Variants in AOX1 observed in about 807,000 individuals in gnomAD.
AOX1 encodes aldehyde oxidase 1.
A neutral mutation model predicts 169.5 loss-of-function variants in AOX1; 153 were observed. The observed-to-expected ratio is 0.90, with a 90% CI of 0.79 to 1.03. The LOEUF is 1.03. Ranked by LOEUF, AOX1 falls within the 50% of genes least tolerant of loss-of-function variation. AOX1 has a pLI of 0.00. For missense variants in AOX1, 1,656 were observed against 1,663.9 expected (o/e 1.00, Z 0.08); for synonymous variants, 562 against 581.9 (o/e 0.97, Z 0.49).
chr2:200,657,190 A>AT (rs5837752), intron 27 of AOX1, among the ~76,000 whole-genome samples: 1,826 of 62,856 alleles, frequency 0.029, 70 homozygotes, highest in Non-Finnish European at 0.035. Context: ...ATATATATAT[A>AT]TTTTTTTTTT....
intron 11 of AOX1, 78 bp downstream of exon 11, chr2:200,609,213 T>C: frequency 6.3e-7 from 1 of 1,597,320 alleles, no homozygotes; most frequent in Non-Finnish European, 8.6e-7. Context: ...ATTTTCATTC[T>C]TTTGGAACAG....
rs767084533 is a variant in AOX1 at position 200,651,207 on chromosome 2, T to C, written c.3075+6T>C. On this transcript the variant is annotated splice_donor_region_variant and intron_variant, in intron 26 of 34. Transcript: ENST00000374700. ...GCTCACGTGCTGCTGGTCAGGTGAG[T>C]TCTCCAAATGCACATGAGGATGCTG... is the stretch of plus-strand genomic sequence containing the variant. 50 of 1,613,102 alleles carry C rather than the reference T, an allele frequency of 3.1e-5. No homozygotes were observed. The highest frequency in any genetic ancestry group is 2.3e-5 in the Non-Finnish European group (27 of 1,179,206).
chr2:200,602,381 C>A, intron 6 of AOX1, 36 bp downstream of exon 6: 1 of 1,590,698 alleles, frequency 6.3e-7, no homozygotes, highest in Non-Finnish European at 8.6e-7. Context: ...AGTATGTTTT[C>A]CCCAGTGAAA....
At chr2:200,658,558 G>T (rs1230716140) in intron 27 of AOX1, among the ~76,000 whole-genome samples, 1 of 152,240 alleles carries the variant, frequency 6.6e-6, no homozygotes, top group African/African-American at 2.4e-5. Flanking sequence ...CATGCTGCTA[G>T]CAGGAGAGAG....
chr2:200,675,368 T>C (rs2036081234), downstream of AOX1, among the ~76,000 whole-genome samples: 4 of 152,208 alleles, frequency 2.6e-5, no homozygotes, highest in Middle Eastern at 3.2e-3. Flanking sequence ...ACTAATTGTC[T>C]AGCAAGATGG....
intron 10 of AOX1, among the ~76,000 whole-genome samples, chr2:200,608,321 G>A (rs1237543393): frequency 2.0e-5 from 3 of 152,132 alleles, no homozygotes; most frequent in Non-Finnish European, 4.4e-5. Flanking sequence ...TGAAGGATAC[G>A]GTGCTAAGTG....
chr2:200,620,396 A>G lies in AOX1; in HGVS notation c.1705-254A>G, dbSNP rs2034861145. Among the ~76,000 whole-genome samples, 2 of 151,078 alleles carry G rather than the reference A, an allele frequency of 1.3e-5. 1 individual carries two copies. The highest frequency in any genetic ancestry group is 3.0e-5 in the Non-Finnish European group (2 of 67,746). ...TTTGTTTTGTTTTTTTTTAGTAGAG[A>G]CGGGGTTTTACTATGTTGGCCAGGC... is the stretch of plus-strand genomic sequence containing the variant. On this transcript the variant is annotated intron_variant, in intron 16 of 34. Coordinates refer to ENST00000374700, the MANE Select transcript of AOX1 (RefSeq NM_001159.4).
downstream of AOX1, among the ~76,000 whole-genome samples, chr2:200,672,721 G>A (rs1010051429): frequency 1.5e-4 from 23 of 152,334 alleles, no homozygotes; most frequent in Admixed American, 1.1e-3. Context: ...TAGAAGTGGA[G>A]CAGGTTAAGG....
In AOX1 at chr2:200,609,409, C is replaced by G. The variant is rs936257576; in HGVS notation, c.1148C>G (p.Ser383Ter). ...AVGNCTLNLL[S>*]KEGKRQIPLN... The stretch of plus-strand genomic sequence containing the variant: ...GGTAACTGTACCCTCAACTTGCTAT[C>G]AAAAGGTAAGTGACAGCCCCTACTT... The change falls in exon 12 of 35, where the codon TCA (serine) becomes TGA (stop). Residue 383 changes from serine (S) to a stop codon, truncating the protein, a stop_gained. Transcript: ENST00000374700. LOFTEE classifies it high-confidence loss of function. 6 of 1,613,618 alleles carry G rather than the reference C, an allele frequency of 3.7e-6. No individual in the cohort carries two copies. Among genetic ancestry groups the G allele is most frequent in the Non-Finnish European group, 4.2e-6 (5 of 1,179,562 alleles).
At chr2:200,630,551 GAA>G (rs2105734504) in intron 20 of AOX1, among the ~76,000 whole-genome samples, 1 of 41,500 alleles carries the variant, frequency 2.4e-5, no homozygotes. Flanking sequence ...AGGAAGGGAG[GAA>G]GGAAGGAAGG....
In AOX1 at chr2:200,593,137, T is replaced by C. The variant is rs1261032132; in HGVS notation, c.46-9T>C. The stretch of plus-strand genomic sequence containing the variant: ...CTCTCAACTAACTCTTATTTTCCCT[T>C]TGGTATAGGTGATAGAAAAAAATGT... On this transcript the variant is annotated splice_polypyrimidine_tract_variant and intron_variant, in intron 1 of 34. Transcript: ENST00000374700. 5 of 1,609,490 alleles carry C rather than the reference T, an allele frequency of 3.1e-6. No homozygotes were observed. Among genetic ancestry groups the C allele is most frequent in the Non-Finnish European group, 4.3e-6 (5 of 1,176,238 alleles).
chr2:200,593,208 C>G lies in AOX1; in HGVS notation c.103+5C>G. 6.2e-7 allele frequency: 1 copy of G among 1,612,492 alleles called. No homozygotes were observed. The highest frequency in any genetic ancestry group is 8.5e-7 in the Non-Finnish European group (1 of 1,178,804). ...TGCCTTATTTGAGGAAGAAGCGTAT[C>G]CTTTTCTTTACTTTGACTGTGTATG... On this transcript the variant is annotated splice_donor_5th_base_variant and intron_variant, in intron 2 of 34. Transcript: ENST00000374700.
In AOX1 at chr2:200,650,994, C is replaced by T; in HGVS notation, c.2868C>T (p.Tyr956=). ...CATAGGTGCGAATCATAAACATGTACAAGGAAATTGATCAAACACCCTACA... is the reference window on the plus strand; with the variant it reads ...CATAGGTGCGAATCATAAACATGTATAAGGAAATTGATCAAACACCCTACA... ...SPEKVRIINM[Y]KEIDQTPYKQ... is the part of the protein sequence containing the mutation. Residue 956 remains tyrosine, a synonymous_variant, in exon 26 of 35, where the codon TAC becomes TAT. Coordinates refer to ENST00000374700, the MANE Select transcript of AOX1 (RefSeq NM_001159.4). 1 of 1,614,136 alleles carries T rather than the reference C, an allele frequency of 6.2e-7. No individual in the cohort carries two copies. Among genetic ancestry groups the T allele is most frequent in the Non-Finnish European group, 8.5e-7 (1 of 1,180,026 alleles).
chr2:200,591,973 A>G (rs1574903707), intron 1 of AOX1, among the ~76,000 whole-genome samples: 1 of 149,976 alleles, frequency 6.7e-6, no homozygotes, highest in Non-Finnish European at 1.5e-5. Flanking sequence ...GGTGGATTGG[A>G]AAAAAAAAAG....
intron 27 of AOX1, 151 bp downstream of exon 27, chr2:200,657,088 C>T (rs2035703666): frequency 7.7e-6 from 3 of 389,692 alleles, no homozygotes; most frequent in African/African-American, 6.5e-5. Flanking sequence ...TTTTGGGAGG[C>T]TGGGGTGAGA....
chr2:200,633,119 G>T (rs1454559122), intron 20 of AOX1, among the ~76,000 whole-genome samples: 1 of 151,976 alleles, frequency 6.6e-6, no homozygotes, highest in Non-Finnish European at 1.5e-5. Flanking sequence ...TTCTCCTATA[G>T]ATGAAGTAGT....
intron 5 of AOX1, among the ~76,000 whole-genome samples, chr2:200,601,632 T>A (rs867557870): frequency 7.4e-4 from 112 of 150,976 alleles, no homozygotes; most frequent in Middle Eastern, 6.8e-3. Context: ...TTTTACTTTT[T>A]AAAAAAAAAA....
chr2:200,651,693 T>C (rs2035582357), intron 26 of AOX1, among the ~76,000 whole-genome samples: 1 of 152,234 alleles, frequency 6.6e-6, no homozygotes, highest in African/African-American at 2.4e-5. Context: ...ACTTTTTAAA[T>C]AGAATTTTTG....
At chr2:200,597,212 T>C (rs768293868) in intron 3 of AOX1, among the ~76,000 whole-genome samples, 185 bp from the exon 4 acceptor site, 5 of 152,186 alleles carry the variant, frequency 3.3e-5, no homozygotes, top group Admixed American at 6.5e-5. Flanking sequence ...AGTAAATCAC[T>C]CTGATCCTCA....
Sources: allele counts gnomAD v4.1 joint callset (sites outside exome capture counted in the v4.1 genomes callset), GRCh38; gene constraint gnomAD v4.1.1; transcripts MANE v1.5; gene names NCBI Gene and HGNC (gene_info 2026-07-23, HGNC 2026-07-21).